COL6A3: variants seen among roughly 807,000 people sequenced by gnomAD.
COL6A3 encodes the protein collagen alpha-3(VI) chain.
A neutral mutation model predicts 274.1 loss-of-function variants in COL6A3; 137 were observed. That is an observed-to-expected ratio of 0.50 (90% CI 0.44 to 0.58). COL6A3 has a LOEUF of 0.58. Among genes scored for constraint, COL6A3 ranks in the 20% least tolerant of loss-of-function variants. The pLI is 0.00. For missense variants in COL6A3, 3,950 were observed against 4,124.9 expected (o/e 0.96, Z 1.16); for synonymous variants, 1,650 against 1,650.6 (o/e 1.00, Z 0.01).
In COL6A3 at chr2:237,371,503, TG is replaced by T; in HGVS notation, c.4285+228del. 1.2e-6 allele frequency: 1 copy of T among 845,656 alleles called. No homozygotes were observed. The highest frequency in any genetic ancestry group is 1.7e-6 in the Non-Finnish European group (1 of 596,326). 52.4% of individuals were successfully genotyped at this position (845,656 alleles called of 1,614,324 possible). ...GTCCTAGCTACTGAGGAGGCTGAAGTGGGAGGTTGGCTGGATCCCAGAAGGC... is the reference window on the plus strand; with the variant it reads ...GTCCTAGCTACTGAGGAGGCTGAAGTGGAGGTTGGCTGGATCCCAGAAGGC... On this transcript the variant is annotated intron_variant, in intron 9 of 43. Transcript: ENST00000295550. This position sits in a 1 kb window ranked among gnomAD's most constrained non-coding sequence, Gnocchi z 4.3.
chr2:237,359,207 T>A lies in COL6A3; in HGVS notation c.6353A>T (p.Asp2118Val). The change falls in exon 19 of 44, where the codon GAT becomes GTT. Residue 2118 changes from aspartate to valine, a missense_variant and splice_region_variant. Asp to Val is a radical substitution (Grantham distance 152). This residue lies in a region of COL6A3 where 92 missense variants were observed against 143.4 expected (regional missense o/e 0.64). Coordinates refer to ENST00000295550, the MANE Select transcript of COL6A3 (RefSeq NM_004369.4). ...TGGACTTAGAGTAAAATCACTTACA[T>A]CTTCACCATCCAGACCATCCAGTCC... The part of the protein sequence containing the change: ...EIGLDGLDGE[D>V]GDKGLPGSSG... The A allele has an allele frequency of 6.2e-7, 1 of 1,614,242 alleles. No individual in the cohort carries two copies. Among genetic ancestry groups the A allele is most frequent in the Non-Finnish European group, 8.5e-7 (1 of 1,180,040 alleles).
rs1181980513 is a variant in COL6A3, at chr2:237,396,704, T to C, written c.91+23A>G. On this transcript the variant is annotated intron_variant, in intron 2 of 43. Transcript: ENST00000295550. ...AAGAATGATATTCCTTTTTACAAAA[T>C]CAAGGACGTTTCTGGCTCTTACCTG... The C allele has an allele frequency of 5.0e-6, 8 of 1,609,876 alleles. No individual in the cohort carries two copies. In the South Asian group the frequency reaches 6.6e-5, roughly 13 times the overall value.
chr2:237,343,863 C>G (rs2077044539), intron 36 of COL6A3: 1 of 248,758 alleles, frequency 4.0e-6, no homozygotes, highest in African/African-American at 2.2e-5. Flanking sequence ...CTCACGAGCA[C>G]CTCACTAACA....
intron 1 of COL6A3, among the ~76,000 whole-genome samples, chr2:237,398,304 G>A (rs918365685): frequency 6.6e-5 from 10 of 152,152 alleles, no homozygotes; most frequent in Non-Finnish European, 1.0e-4. Flanking sequence ...ACGCGCCTCT[G>A]GGGGCCGCAC....
intron 1 of COL6A3, among the ~76,000 whole-genome samples, chr2:237,399,426 G>A (rs147961614): frequency 1.0e-3 from 155 of 152,234 alleles, no homozygotes; most frequent in Admixed American, 2.1e-3. Context: ...TGCCTGACGC[G>A]GAATGGATGG....
intron 40 of COL6A3, among the ~76,000 whole-genome samples, chr2:237,335,314 A>C (rs1051674948): frequency 4.6e-5 from 7 of 152,198 alleles, no homozygotes; most frequent in African/African-American, 1.7e-4. Flanking sequence ...AAATGAAGAT[A>C]ATTTCCATTT....
At chr2:237,338,057 A>G (rs1700640759) in intron 39 of COL6A3, among the ~76,000 whole-genome samples, 5 of 152,206 alleles carry the variant, frequency 3.3e-5, no homozygotes, top group Admixed American at 3.3e-4. Flanking sequence ...TATGGTCTCA[A>G]TTATCTACCT....
intron 36 of COL6A3, chr2:237,342,768 C>T (rs1224142511): frequency 6.3e-6 from 1 of 157,538 alleles, no homozygotes; most frequent in Non-Finnish European, 1.4e-5. Flanking sequence ...TTCTGGGTCC[C>T]TCAGCCCACA....
intron 42 of COL6A3, 107 bp from the exon 43 acceptor site, chr2:237,325,831 A>C: frequency 2.1e-6 from 2 of 933,568 alleles, no homozygotes; most frequent in Non-Finnish European, 3.2e-6. Context: ...GAAGGAAAAA[A>C]AAGAAGAGCT....
intron 3 of COL6A3, among the ~76,000 whole-genome samples, chr2:237,389,700 T>C (rs1341910833): frequency 6.6e-6 from 1 of 152,204 alleles, no homozygotes; most frequent in African/African-American, 2.4e-5. Flanking sequence ...CTTCCTAATA[T>C]ACAAGAAAGT....
At chr2:237,335,050 T>C (rs1443825520) in intron 40 of COL6A3, among the ~76,000 whole-genome samples, 161 bp from the exon 41 acceptor site, 3 of 152,322 alleles carry the variant, frequency 2.0e-5, no homozygotes, top group Middle Eastern at 6.8e-3. Context: ...CTAAAAAACA[T>C]TGCTCTTATA....
At chr2:237,370,219 T>G (rs2077653399) in intron 9 of COL6A3, among the ~76,000 whole-genome samples, 1 of 151,118 alleles carries the variant, frequency 6.6e-6, no homozygotes, top group East Asian at 1.9e-4. Flanking sequence ...AAATATTTAA[T>G]TCTATTAAAT....
In COL6A3 at chr2:237,381,337, GTGTCTGCATAC is replaced by G; in HGVS notation, c.1464_1474del (p.Gln488HisfsTer5). ...ATTGAAATAAAATTCAGGCCTCACAGTGTCTGCATACTGGGCCACTGCCACCTGGATAAGAT... is the reference window on the plus strand; with the variant it reads ...ATTGAAATAAAATTCAGGCCTCACAGTGGGCCACTGCCACCTGGATAAGAT... On this transcript the variant is annotated frameshift_variant, in exon 5 of 44. Transcript: ENST00000295550. LOFTEE classifies it high-confidence loss of function. 6.2e-7 allele frequency: 1 copy of G among 1,614,216 alleles called. No homozygotes were observed. The highest frequency in any genetic ancestry group is 8.5e-7 in the Non-Finnish European group (1 of 1,180,046).
At chr2:237,404,913 G>A (rs1328153278) in intron 1 of COL6A3, among the ~76,000 whole-genome samples, 1 of 152,176 alleles carries the variant, frequency 6.6e-6, no homozygotes, top group African/African-American at 2.4e-5. Context: ...AAAATCATAT[G>A]TAAAGATTTT....
chr2:237,336,042 T>C (rs1237001083), intron 40 of COL6A3, 93 bp downstream of exon 40: 19 of 1,489,380 alleles, frequency 1.3e-5, no homozygotes, highest in Non-Finnish European at 1.6e-5. Flanking sequence ...AGGACTGTAT[T>C]CTGAGTGTGT....
chr2:237,374,955 G>C lies in COL6A3; in HGVS notation c.3136C>G (p.Leu1046Val). ...GSEGVRSGFP[L>V]LKEFVQRVVE... ...ACTCTCTGGACAAACTCTTTCAACA[G>C]AGGGAAGCCGCTCCTGACGCCCTCA... The change falls in exon 8 of 44, where the codon CTG (leucine) becomes GTG (valine). Residue 1046 changes from leucine (L) to valine (V), a missense_variant. Around this residue, in one of 5 missense-constraint regions of COL6A3, gnomAD observed 1,934 missense variants for 1,984.3 expected, o/e 0.97. Transcript: ENST00000295550. This position sits in a 1 kb window ranked among gnomAD's most constrained non-coding sequence, Gnocchi z 4.8. The C allele has an allele frequency of 6.2e-7, 1 of 1,613,968 alleles. No individual in the cohort carries two copies. Among genetic ancestry groups the C allele is most frequent in the Non-Finnish European group, 8.5e-7 (1 of 1,180,026 alleles).
Position 237,377,267 on chromosome 2 carries a change from G to C in COL6A3, c.2575C>G (p.Leu859Val), listed in dbSNP as rs570233756. 1 of 1,607,726 alleles carries C rather than the reference G, an allele frequency of 6.2e-7. No individual in the cohort carries two copies. The highest frequency in any genetic ancestry group is 8.5e-7 in the Non-Finnish European group (1 of 1,180,010). Residue 859 changes from leucine to valine, a missense_variant, in exon 7 of 44, where the codon CTC (leucine) becomes GTC (valine). Leu to Val is a conservative substitution (Grantham distance 32, BLOSUM62 1). Coordinates refer to ENST00000295550, the MANE Select transcript of COL6A3 (RefSeq NM_004369.4). Reference sequence around the variant, plus strand: ...TTGAGCTCATCGATAATCTTGTAGAGAAAGTCACGGACAACAGGGAACTGG... The same window carrying C: ...TTGAGCTCATCGATAATCTTGTAGACAAAGTCACGGACAACAGGGAACTGG... ...VGQFPVVRDF[L>V]YKIIDELNVK... is the part of the protein sequence containing the mutation.
In COL6A3 at chr2:237,324,424, T is replaced by G; in HGVS notation, c.*350A>C. 1 of 261,128 alleles carries G rather than the reference T, an allele frequency of 3.8e-6. No individual in the cohort carries two copies. The highest frequency in any genetic ancestry group is 7.5e-6 in the Non-Finnish European group (1 of 132,648). The allele number at this position is 261,128 out of a possible 1,614,324, so 16.2% of individuals were successfully genotyped here. A position where few individuals can be genotyped will look rare whatever the true frequency, so the allele number is the denominator to read the frequency against. ...AAAAGTATATAGAGTAGCCGTGACA[T>G]TTGCATTATTTTCTAGACTTTACAT... On this transcript the variant is annotated 3_prime_UTR_variant, in exon 44 of 44. Coordinates refer to ENST00000295550, the MANE Select transcript of COL6A3 (RefSeq NM_004369.4).
chr2:237,336,053 T>G, intron 40 of COL6A3, 82 bp downstream of exon 40: 1 of 1,540,536 alleles, frequency 6.5e-7, no homozygotes, highest in Non-Finnish European at 8.9e-7. Flanking sequence ...CTGAGTGTGT[T>G]ACATGCAGGC....
Sources: gnomAD v4.1 joint callset for allele counts (sites outside exome capture counted in the v4.1 genomes callset) on GRCh38, gnomAD v4.1.1 for gene constraint, gnomAD v4.1.1 regional missense constraint, Gnocchi (gnomAD v3.1) non-coding constraint, MANE v1.5 for transcripts, NCBI Gene and HGNC (gene_info 2026-07-23, HGNC 2026-07-21) for gene names.